Variants in HNRNPUL2 observed in about 807,000 individuals in gnomAD.
HNRNPUL2 encodes the protein heterogeneous nuclear ribonucleoprotein U-like protein 2.
In HNRNPUL2, 27 loss-of-function variants were observed where a neutral mutation model predicts 102.2. The observed-to-expected ratio is 0.26, with a 90% CI of 0.19 to 0.36. The LOEUF (loss-of-function observed/expected upper bound fraction) is 0.36. Ranked by LOEUF, HNRNPUL2 falls within the 10% of genes least tolerant of loss-of-function variation. The pLI, the probability that HNRNPUL2 is intolerant of heterozygous loss-of-function variation, is 1.00. For missense variants in HNRNPUL2, 936 were observed against 981.1 expected (o/e 0.95, Z 0.61); for synonymous variants, 458 against 387.2 (o/e 1.18, Z -2.15).
At chr11:62,717,654 G>C (rs572078035) in intron 10 of HNRNPUL2, among the ~76,000 whole-genome samples, 1 of 152,262 alleles carries the variant, frequency 6.6e-6, no homozygotes, top group African/African-American at 2.4e-5. Context: ...TCAGGAGTTC[G>C]AGACCAGCCT....
At chr11:62,720,334 T>C (rs1186190500) in intron 9 of HNRNPUL2, 143 bp from the exon 10 acceptor site, 2 of 688,682 alleles carry the variant, frequency 2.9e-6, no homozygotes, top group African/African-American at 3.6e-5. Context: ...TCATCTCAGG[T>C]CAGGAGTTCA....
chr11:62,719,931 T>A, intron 10 of HNRNPUL2, 92 bp downstream of exon 10: 1 of 1,233,512 alleles, frequency 8.1e-7, no homozygotes, highest in Non-Finnish European at 1.2e-6. Context: ...CTTCCTAGCC[T>A]CCAGAATGAG....
chr11:62,727,109 CTG>C lies in HNRNPUL2; in HGVS notation c.46_47del (p.Gln16AlafsTer75). The C allele has an allele frequency of 6.9e-7, 1 of 1,448,902 alleles. No homozygotes were observed. Among genetic ancestry groups the C allele is most frequent in the Admixed American group, 2.5e-5 (1 of 39,782 alleles). The allele number at this position is 1,448,902 out of a possible 1,614,324, so 89.8% of individuals were successfully genotyped here. ...LKVTELRSEL[Q>X]RRGLDSRGLK... ...GGCCGCGCGAGTCCAGGCCCCGCCG[CTG>C]CAGCTCCGACCGCAGCTCGGTCACT... On this transcript the variant is annotated frameshift_variant, in exon 1 of 14. Coordinates refer to ENST00000301785, the MANE Select transcript of HNRNPUL2 (RefSeq NM_001079559.3). LOFTEE classifies it high-confidence loss of function.
Position 62,715,939 on chromosome 11 carries a change from T to C in HNRNPUL2, c.1982-2A>G. On this transcript the variant is annotated splice_acceptor_variant, in intron 11 of 13. Coordinates refer to ENST00000301785, the MANE Select transcript of HNRNPUL2 (RefSeq NM_001079559.3). LOFTEE classifies it high-confidence loss of function. ...CGTAGCCTCGGCGCTGCCCGCCCAC[T>C]GGAAGAGAAATGGAGAGCGCGCTCA... is the stretch of plus-strand genomic sequence containing the variant. The C allele has an allele frequency of 6.3e-7, 1 of 1,597,950 alleles. No individual in the cohort carries two copies. Among genetic ancestry groups the C allele is most frequent in the Non-Finnish European group, 8.5e-7 (1 of 1,171,072 alleles).
chr11:62,722,879 C>T lies in HNRNPUL2; in HGVS notation c.916G>A (p.Glu306Lys), dbSNP rs755751980. The change falls in exon 5 of 14, where the codon GAA becomes AAA. Residue 306 changes from glutamate to lysine, a missense_variant. Physicochemically the swap from Glu to Lys is moderately conservative, Grantham distance 56. This residue lies in a region of HNRNPUL2 where 609 missense variants were observed against 713.0 expected (regional missense o/e 0.85). Transcript: ENST00000301785. ...AGGAGAGAGACCTCTGTGCAGCCTT[C>T]TTTCATTGGGAGATTCTGGGTTACC... The part of the protein sequence containing the change: ...AKVTQNLPMK[E>K]GCTEVSLLRV... The T allele has an allele frequency of 3.7e-6, 6 of 1,614,030 alleles. No homozygotes were observed. In the South Asian group the frequency reaches 6.6e-5, roughly 18 times the overall value.
At position 62,726,681 on chromosome 11, in the gene HNRNPUL2, T is replaced by C. The variant is rs1390436078; in HGVS notation, c.476A>G (p.Glu159Gly). The change falls in exon 1 of 14, where the codon GAG becomes GGG. Residue 159 changes from glutamate to glycine, a missense_variant. Glu to Gly is a moderately conservative substitution (Grantham distance 98, BLOSUM62 -2). This residue lies in a region of HNRNPUL2 where 327 missense variants were observed against 268.1 expected (regional missense o/e 1.22). Coordinates refer to ENST00000301785, the MANE Select transcript of HNRNPUL2 (RefSeq NM_001079559.3). ...LGKREEDEPE[E>G]RSGDETPGSE... Reference sequence around the variant, plus strand: ...TCCCGGCGTCTCGTCCCCGCTCCGCTCCTCGGGTTCGTCTTCCTCCCTCTT... The same window carrying C: ...TCCCGGCGTCTCGTCCCCGCTCCGCCCCTCGGGTTCGTCTTCCTCCCTCTT... 6.3e-7 allele frequency: 1 copy of C among 1,599,936 alleles called. No individual in the cohort carries two copies. Among genetic ancestry groups the C allele is most frequent in the Non-Finnish European group, 8.5e-7 (1 of 1,179,422 alleles).
chr11:62,721,662 GAAAA>G (rs961473007), intron 8 of HNRNPUL2, among the ~76,000 whole-genome samples, 154 bp downstream of exon 8: 3 of 149,292 alleles, frequency 2.0e-5, no homozygotes, highest in Non-Finnish European at 4.5e-5. Flanking sequence ...ACACAGCAAA[GAAAA>G]AAAAAATCAA....
In HNRNPUL2 at chr11:62,717,157, T is replaced by A. The variant is rs373909806; in HGVS notation, c.1813A>T (p.Met605Leu). The change falls in exon 11 of 14, where the codon ATG becomes TTG. Residue 605 changes from methionine (M) to leucine (L), a missense_variant. Met to Leu is a conservative substitution (Grantham distance 15). Transcript: ENST00000301785. ...AGCTCCCCATATGTCACCTCATCCA[T>A]ATAGTCGCATTTTTCAGGCAAAGAG... ...NFSLPEKCDY[M>L]DEVTYGELEK... The A allele has an allele frequency of 1.9e-6, 3 of 1,613,938 alleles. No individual in the cohort carries two copies. Among genetic ancestry groups the A allele is most frequent in the Non-Finnish European group, 2.5e-6 (3 of 1,180,002 alleles).
At chr11:62,716,383 C>T (rs906538907) in intron 11 of HNRNPUL2, among the ~76,000 whole-genome samples, 2 of 152,194 alleles carry the variant, frequency 1.3e-5, no homozygotes, top group Non-Finnish European at 2.9e-5. Context: ...GTACCTAGCA[C>T]ATAGCAGGCA....
intron 1 of HNRNPUL2, 27 bp downstream of exon 1, chr11:62,726,592 A>G (rs751325126): frequency 6.6e-7 from 1 of 1,507,622 alleles, no homozygotes; most frequent in African/African-American, 1.4e-5. Flanking sequence ...GGCAGGTTGG[A>G]GCCGGGCTCG....
chr11:62,713,802 CTGAG>C lies in HNRNPUL2; in HGVS notation c.*1493_*1496del, dbSNP rs1187537465. 1 of 152,246 alleles carries C rather than the reference CTGAG, an allele frequency of 6.6e-6. No homozygotes were observed. Among genetic ancestry groups the C allele is most frequent in the East Asian group, 1.9e-4 (1 of 5,210 alleles). 9.4% of individuals were successfully genotyped at this position (152,246 alleles called of 1,614,324 possible). On this transcript the variant is annotated 3_prime_UTR_variant, in exon 14 of 14. Transcript: ENST00000301785. ...GAACTGCTGCAGTATGTGGTGTCTG[CTGAG>C]TAAGCTCTTGGCTGACAGTGCTGAG...
Position 62,715,210 on chromosome 11 carries a change from C to T in HNRNPUL2, c.*89G>A, listed in dbSNP as rs2083650452. 2.4e-6 allele frequency: 2 copies of T among 832,582 alleles called. No individual in the cohort carries two copies. Among genetic ancestry groups the T allele is most frequent in the East Asian group, 2.9e-5 (1 of 34,342 alleles). 51.6% of individuals were successfully genotyped at this position (832,582 alleles called of 1,614,324 possible). A position where few individuals can be genotyped will look rare whatever the true frequency, so the allele number is the denominator to read the frequency against. ...CGGCAGCTCAGCCCCACCCCGACAG[C>T]CCCTGTTTTCCTTGGTTGTGTTTTG... On this transcript the variant is annotated 3_prime_UTR_variant, in exon 14 of 14. Coordinates refer to ENST00000301785, the MANE Select transcript of HNRNPUL2 (RefSeq NM_001079559.3).
At chr11:62,719,640 A>G (rs77849091) in intron 10 of HNRNPUL2, among the ~76,000 whole-genome samples, 279 of 152,246 alleles carry the variant, frequency 1.8e-3, no homozygotes, top group African/African-American at 6.0e-3. Context: ...GATCTCTTTA[A>G]CTTGTACAAT....
Position 62,724,341 on chromosome 11 carries a change from A to G in HNRNPUL2, c.624T>C (p.Asp208=), listed in dbSNP as rs746371793. 1 of 1,613,944 alleles carries G rather than the reference A, an allele frequency of 6.2e-7. No homozygotes were observed. Among genetic ancestry groups the G allele is most frequent in the South Asian group, 1.1e-5 (1 of 91,050 alleles). Residue 208 remains aspartate (D), a synonymous_variant, in exon 2 of 14, where the codon GAT becomes GAC. Coordinates refer to ENST00000301785, the MANE Select transcript of HNRNPUL2 (RefSeq NM_001079559.3). ...RGVKRQRDEK[D]EHGRAYYEFR... ...ATTCATAGTAAGCTCGGCCATGTTC[A>G]TCCTTCTCATCCCGCTGTCTCTTTA...
At position 62,721,419 on chromosome 11, in the gene HNRNPUL2, T is replaced by G. The variant is rs1393824779; in HGVS notation, c.1487A>C (p.Lys496Thr). The stretch of plus-strand genomic sequence containing the variant: ...GTCCATCTCTGGCTCCTCGAGACCC[T>G]TCATCTGATTAGTTTGAGAGGAAGT... ...AETVLNQMRM[K>T]GLEEPEMDPK... Residue 496 changes from lysine (K) to threonine (T), a missense_variant, in exon 9 of 14, where the codon AAG (lysine) becomes ACG (threonine). By Grantham distance (78) the Lys-to-Thr change is moderately conservative. Around this residue, in one of 2 missense-constraint regions of HNRNPUL2, gnomAD observed 609 missense variants for 713.0 expected, o/e 0.85. Transcript: ENST00000301785. 6.4e-7 allele frequency: 1 copy of G among 1,571,874 alleles called. No individual in the cohort carries two copies. Among genetic ancestry groups the G allele is most frequent in the Non-Finnish European group, 8.6e-7 (1 of 1,167,008 alleles).
intron 9 of HNRNPUL2, 46 bp downstream of exon 9, chr11:62,721,249 T>A (rs778181248): frequency 1.3e-6 from 2 of 1,547,596 alleles, no homozygotes; most frequent in South Asian, 2.4e-5. Flanking sequence ...TCTCTCTTTA[T>A]ATACACATCC....
chr11:62,726,856 G>C lies in HNRNPUL2; in HGVS notation c.301C>G (p.Gln101Glu). ...EDEDEEPPPA[Q>E]ALGQAAQPPP... ...GGCTGCGCGGCCTGACCCAAGGCTT[G>C]AGCAGGGGGTGGCTCCTCGTCCTCG... is the stretch of plus-strand genomic sequence containing the variant. The change falls in exon 1 of 14, where the codon CAA (glutamine) becomes GAA (glutamate). Residue 101 changes from glutamine to glutamate, a missense_variant. Transcript: ENST00000301785. The C allele has an allele frequency of 1.3e-6, 2 of 1,585,724 alleles. No individual in the cohort carries two copies. Among genetic ancestry groups the C allele is most frequent in the Non-Finnish European group, 1.7e-6 (2 of 1,174,060 alleles).
chr11:62,715,221 C>T lies in HNRNPUL2; in HGVS notation c.*78G>A. ...CCCCACCCCGACAGCCCCTGTTTTC[C>T]TTGGTTGTGTTTTGCGGGGGTGCCT... On this transcript the variant is annotated 3_prime_UTR_variant, in exon 14 of 14. Transcript: ENST00000301785. 1 of 744,554 alleles carries T rather than the reference C, an allele frequency of 1.3e-6. No homozygotes were observed. The highest frequency in any genetic ancestry group is 2.0e-6 in the Non-Finnish European group (1 of 499,616). 46.1% of individuals were successfully genotyped at this position (744,554 alleles called of 1,614,324 possible).
chr11:62,720,262 TCAG>T, intron 9 of HNRNPUL2, 71 bp from the exon 10 acceptor site: 1 of 1,478,866 alleles, frequency 6.8e-7, no homozygotes. Flanking sequence ...AGAATCAGTA[TCAG>T]CTGGGCACGG....
Sources: gnomAD v4.1 joint callset for allele counts (sites outside exome capture counted in the v4.1 genomes callset) on GRCh38, gnomAD v4.1.1 for gene constraint, gnomAD v4.1.1 regional missense constraint, MANE v1.5 for transcripts, NCBI Gene and HGNC (gene_info 2026-07-23, HGNC 2026-07-21) for gene names.